OPRM1: variants seen among roughly 807,000 people sequenced by gnomAD.
OPRM1 encodes opioid receptor mu 1.
A neutral mutation model predicts 31.8 loss-of-function variants in OPRM1; 27 were observed. That is an observed-to-expected ratio of 0.85 (90% CI 0.63 to 1.17). The LOEUF (loss-of-function observed/expected upper bound fraction) is 1.17, where lower values mean the gene tolerates loss of function less well. OPRM1 is among the 50% of genes most tolerant of loss of function. The pLI is 0.00. For synonymous variants in OPRM1, 196 were observed against 189.9 expected, an observed-to-expected ratio of 1.03 and a Z score of -0.26; for missense variants, 536 against 511.1, an observed-to-expected ratio of 1.05 and a Z score of -0.47.
intron 3 of OPRM1, chr6:154,110,490 A>G: frequency 1.1e-6 from 1 of 912,064 alleles, no homozygotes; most frequent in African/African-American, 1.7e-5. Context: ...CCTAATGGAG[A>G]CCATTTGTGT....
intron 3 of OPRM1, chr6:154,222,859 C>T (rs1778974328): frequency 1.1e-5 from 4 of 352,428 alleles, no homozygotes; most frequent in East Asian, 5.3e-5. Flanking sequence ...TTAGTAGAAC[C>T]GAAGCTTGAC....
intron 1 of OPRM1, among the ~76,000 whole-genome samples, chr6:154,023,324 A>G (rs1304434779): frequency 1.3e-5 from 2 of 152,018 alleles, no homozygotes; most frequent in Admixed American, 6.6e-5. Context: ...TTGTAAATGG[A>G]ATTACTTTCT....
At chr6:154,238,214 A>G (rs953949333) in intron 3 of OPRM1, among the ~76,000 whole-genome samples, 2 of 152,188 alleles carry the variant, frequency 1.3e-5, no homozygotes, top group African/African-American at 4.8e-5. Flanking sequence ...AAACACATAC[A>G]ACAAAATGTC....
intron 1 of OPRM1, among the ~76,000 whole-genome samples, chr6:154,045,661 G>C (rs895085045): frequency 1.3e-5 from 2 of 152,180 alleles, no homozygotes. Context: ...CGTTGATATG[G>C]CAGTCAGTTT....
chr6:154,111,302 T>C (rs1796340897), intron 3 of OPRM1, among the ~76,000 whole-genome samples: 1 of 152,168 alleles, frequency 6.6e-6, no homozygotes, highest in Non-Finnish European at 1.5e-5. Context: ...GTTTTTATGA[T>C]TTCTGTAATA....
intron 3 of OPRM1, among the ~76,000 whole-genome samples, chr6:154,105,425 A>G (rs1232393728): frequency 6.6e-6 from 1 of 152,250 alleles, no homozygotes; most frequent in Non-Finnish European, 1.5e-5. Context: ...TGAACATTCC[A>G]TGTCTTCATG....
chr6:154,128,260 C>A lies in OPRM1; in HGVS notation c.*9539C>A, dbSNP rs77847390. Among the ~76,000 whole-genome samples the A allele has an allele frequency of 9.4e-4, 143 of 152,268 alleles. 1 individual carries two copies. Among genetic ancestry groups the A allele is most frequent in the African/African-American group, 3.3e-3 (136 of 41,552 alleles). ...TTGTGTGTTTTCTTAATAAACTTTA[C>A]CCACTTATTAAAAGAATAAAATGAA... On this transcript the variant is annotated 3_prime_UTR_variant, in exon 4 of 4. Coordinates refer to ENST00000330432, the MANE Select transcript of OPRM1 (RefSeq NM_000914.5).
At chr6:154,182,518 G>A (rs1182573673) in intron 3 of OPRM1, among the ~76,000 whole-genome samples, 1 of 151,922 alleles carries the variant, frequency 6.6e-6, no homozygotes, top group Non-Finnish European at 1.5e-5. Flanking sequence ...CCAAATATAG[G>A]AGCACCCAGG....
chr6:154,090,615 C>T (rs1037211317), intron 2 of OPRM1, among the ~76,000 whole-genome samples: 2 of 152,054 alleles, frequency 1.3e-5, no homozygotes, highest in African/African-American at 2.4e-5. Flanking sequence ...TACCTGGAGC[C>T]GCCTAGAGAC....
At chr6:154,108,243 G>A in intron 3 of OPRM1, 1 of 384,544 alleles carries the variant, frequency 2.6e-6, no homozygotes, top group Non-Finnish European at 4.6e-6. Flanking sequence ...CCAAATATCA[G>A]ACTAGCTTAA....
chr6:154,110,430 G>C (rs606545), intron 3 of OPRM1: 1 of 1,463,492 alleles, frequency 6.8e-7, no homozygotes, highest in Non-Finnish European at 9.4e-7. Context: ...ATATTTTCCC[G>C]TGAAAGAATA....
At chr6:154,243,010 G>A (rs1435828735) in intron 3 of OPRM1, among the ~76,000 whole-genome samples, 1 of 152,222 alleles carries the variant, frequency 6.6e-6, no homozygotes, top group Admixed American at 6.5e-5. Context: ...GACCTATAAG[G>A]AGGGATAAGT....
chr6:154,193,827 A>G (rs1255071031), intron 3 of OPRM1, among the ~76,000 whole-genome samples: 1 of 152,212 alleles, frequency 6.6e-6, no homozygotes, highest in Non-Finnish European at 1.5e-5. Context: ...AAACATGACA[A>G]TACTCCCTAT....
chr6:154,118,658 G>C (rs767350755), intron 3 of OPRM1, 25 bp from the exon 4 acceptor site: 4 of 1,611,574 alleles, frequency 2.5e-6, no homozygotes, highest in African/African-American at 1.3e-5. Context: ...AATGTTCACT[G>C]TCTTTGCTCT....
chr6:154,128,634 T>C lies in OPRM1; in HGVS notation c.*9913T>C, dbSNP rs771285675. Among the ~76,000 whole-genome samples, 15 of 152,222 alleles carry C rather than the reference T, an allele frequency of 9.9e-5. No homozygotes were observed. Among genetic ancestry groups the C allele is most frequent in the Non-Finnish European group, 1.9e-4 (13 of 68,040 alleles). On this transcript the variant is annotated 3_prime_UTR_variant, in exon 4 of 4. Coordinates refer to ENST00000330432, the MANE Select transcript of OPRM1 (RefSeq NM_000914.5). ...GATCAATTTGGTTACTGTTTTATCA[T>C]TGATCCTGAAGACAGTTGAAGCAAT...
intron 3 of OPRM1, among the ~76,000 whole-genome samples, chr6:154,211,143 GCGGTGGCTCA>G (rs1777924210): frequency 6.6e-6 from 1 of 152,132 alleles, no homozygotes. Flanking sequence ...CTGGCTGGGT[GCGGTGGCTCA>G]CGCTTGTAAT....
At chr6:154,214,180 T>G (rs764194206) in intron 3 of OPRM1, 2 of 1,332,090 alleles carry the variant, frequency 1.5e-6, no homozygotes, top group South Asian at 2.3e-5. Context: ...TGTTCTAATA[T>G]TCTTGCTAAA....
At chr6:154,075,045 A>T (rs913522962) in intron 1 of OPRM1, among the ~76,000 whole-genome samples, 1 of 152,224 alleles carries the variant, frequency 6.6e-6, no homozygotes, top group Non-Finnish European at 1.5e-5. Context: ...CCACATTTTA[A>T]TAAAATTCAG....
At chr6:154,241,208 C>T (rs999327928) in intron 3 of OPRM1, among the ~76,000 whole-genome samples, 5 of 143,816 alleles carry the variant, frequency 3.5e-5, no homozygotes, top group African/African-American at 1.3e-4. Flanking sequence ...TGCACTTCAG[C>T]CTAGCAACAA....
Sources: gnomAD v4.1 joint callset for allele counts (sites outside exome capture counted in the v4.1 genomes callset) on GRCh38, gnomAD v4.1.1 for gene constraint, MANE v1.5 for transcripts, NCBI Gene and HGNC (gene_info 2026-07-23, HGNC 2026-07-21) for gene names.